The following PDZRN3 variants were observed in gnomAD, a reference collection of about 807,000 sequenced individuals.
PDZRN3 encodes E3 ubiquitin-protein ligase PDZRN3.
In PDZRN3, 38 loss-of-function variants were observed where a neutral mutation model predicts 85.7. That is an observed-to-expected ratio of 0.44 (90% CI 0.34 to 0.58). The LOEUF is 0.58. Among genes scored for constraint, PDZRN3 ranks in the 20% least tolerant of loss-of-function variants. PDZRN3 has a pLI of 0.01. For synonymous variants in PDZRN3, 759 were observed against 638.0 expected (o/e 1.19, Z -2.86); for missense variants, 1,629 against 1,506.4 (o/e 1.08, Z -1.35).
intron 3 of PDZRN3, among the ~76,000 whole-genome samples, chr3:73,449,840 G>A (rs926922867): frequency 1.3e-5 from 2 of 152,078 alleles, no homozygotes; most frequent in Non-Finnish European, 2.9e-5. Context: ...TTCAGTCTGG[G>A]GTGTAAGAAA....
chr3:73,565,793 ACACACACACACACACAC>A lies in PDZRN3; in HGVS notation c.918+36544_918+36560del, dbSNP rs1701936409. Reference sequence around the variant, plus strand: ...TCTCTACTAAAAATACAAAACACACACACACACACACACACACACACACACACACACACACACACAGA... The same window carrying A: ...TCTCTACTAAAAATACAAAACACACAACACACACACACACACACACACAGA... On this transcript the variant is annotated intron_variant, in intron 3 of 9. Coordinates refer to ENST00000263666, the MANE Select transcript of PDZRN3 (RefSeq NM_015009.3). Among the ~76,000 whole-genome samples the A allele has an allele frequency of 1.1e-3, 157 of 145,168 alleles. 1 individual carries two copies. The highest frequency in any genetic ancestry group is 2.1e-3 in the Non-Finnish European group (140 of 67,448).
chr3:73,616,948 C>T (rs1702772065), intron 1 of PDZRN3, among the ~76,000 whole-genome samples: 1 of 152,198 alleles, frequency 6.6e-6, no homozygotes. Flanking sequence ...ATACTAACCA[C>T]ACGCAATACA....
intron 5 of PDZRN3, among the ~76,000 whole-genome samples, chr3:73,392,566 C>A (rs1353239039): frequency 1.3e-5 from 2 of 152,196 alleles, no homozygotes; most frequent in African/African-American, 4.8e-5. Context: ...ATGAGGCACA[C>A]AAGAGCTCTT....
chr3:73,573,124 CCTCT>C (rs1702067770), intron 3 of PDZRN3, among the ~76,000 whole-genome samples: 1 of 152,194 alleles, frequency 6.6e-6, no homozygotes, highest in Admixed American at 6.5e-5. Context: ...GTCCCAAGGG[CCTCT>C]CTGAGGTCCT....
chr3:73,595,452 T>C (rs189061345), intron 3 of PDZRN3, among the ~76,000 whole-genome samples: 4 of 152,282 alleles, frequency 2.6e-5, no homozygotes, highest in African/African-American at 9.6e-5. Flanking sequence ...TAACCAAAAA[T>C]GGATTATGCA....
intron 9 of PDZRN3, among the ~76,000 whole-genome samples, chr3:73,385,287 A>T (rs1237463431): frequency 6.6e-6 from 1 of 152,164 alleles, no homozygotes; most frequent in Non-Finnish European, 1.5e-5. Flanking sequence ...GCTCATTAAG[A>T]CTCTGACAAT....
At chr3:73,581,991 C>T (rs1277764108) in intron 3 of PDZRN3, among the ~76,000 whole-genome samples, 1 of 151,042 alleles carries the variant, frequency 6.6e-6, no homozygotes, top group Admixed American at 6.6e-5. Flanking sequence ...TACCAGCTAC[C>T]CAGGAGGCTG....
intron 6 of PDZRN3, among the ~76,000 whole-genome samples, chr3:73,390,687 TAAGTG>T (rs1363263023): frequency 6.7e-6 from 1 of 150,216 alleles, no homozygotes; most frequent in Non-Finnish European, 1.5e-5. Context: ...TTAAAAAGTG[TAAGTG>T]ATTCCATCCA....
At chr3:73,396,227 A>C (rs547511656) in intron 5 of PDZRN3, among the ~76,000 whole-genome samples, 266 of 152,280 alleles carry the variant, frequency 1.7e-3, no homozygotes, top group Middle Eastern at 6.8e-3. Context: ...AACAAACAAA[A>C]AAAAAAGTAA....
At chr3:73,474,369 T>G (rs1262891769) in intron 3 of PDZRN3, 2 of 716,930 alleles carry the variant, frequency 2.8e-6, no homozygotes, top group Non-Finnish European at 3.9e-6. Context: ...TAAAGCAAAC[T>G]GCTATCGGTG....
At chr3:73,593,284 A>G (rs968782241) in intron 3 of PDZRN3, among the ~76,000 whole-genome samples, 32 of 152,220 alleles carry the variant, frequency 2.1e-4, no homozygotes, top group Non-Finnish European at 4.1e-4. Context: ...TCTTCACTCA[A>G]GAATTTAATG....
chr3:73,575,587 A>T (rs1191781695), intron 3 of PDZRN3, among the ~76,000 whole-genome samples: 1 of 152,234 alleles, frequency 6.6e-6, no homozygotes, highest in Non-Finnish European at 1.5e-5. Context: ...GGTGTGCTTA[A>T]AAAATGCTTA....
At chr3:73,519,404 G>A (rs916511024) in intron 3 of PDZRN3, among the ~76,000 whole-genome samples, 5 of 152,182 alleles carry the variant, frequency 3.3e-5, no homozygotes, top group African/African-American at 9.7e-5. Context: ...GTCTAAAAGC[G>A]ATATATACCA....
intron 3 of PDZRN3, among the ~76,000 whole-genome samples, chr3:73,578,445 C>T (rs2106862920): frequency 6.6e-6 from 1 of 152,280 alleles, no homozygotes; most frequent in South Asian, 2.1e-4. Flanking sequence ...GCTGGGATTA[C>T]AGGTGTGAGC....
chr3:73,420,105 G>GTCCTACATTACTTTA, intron 3 of PDZRN3, among the ~76,000 whole-genome samples: 1 of 152,336 alleles, frequency 6.6e-6, no homozygotes, highest in South Asian at 2.1e-4. Context: ...GTAGGACACA[G>GTCCTACATTACTTTA]ATGCACATTA....
chr3:73,494,415 A>C (rs1703829997), intron 3 of PDZRN3, among the ~76,000 whole-genome samples: 1 of 152,254 alleles, frequency 6.6e-6, no homozygotes, highest in African/African-American at 2.4e-5. Flanking sequence ...AAGGAAGGAC[A>C]GTCCTAACAT....
chr3:73,576,816 A>G (rs1344012692), intron 3 of PDZRN3, among the ~76,000 whole-genome samples: 3 of 152,234 alleles, frequency 2.0e-5, no homozygotes, highest in Non-Finnish European at 4.4e-5. Context: ...TTAGAGTTAT[A>G]GACAAAGAAG....
intron 3 of PDZRN3, among the ~76,000 whole-genome samples, chr3:73,572,821 G>C (rs1448347429): frequency 2.0e-5 from 3 of 152,132 alleles, no homozygotes; most frequent in African/African-American, 7.2e-5. Context: ...TCCTGCATTT[G>C]GGAAAACTAT....
chr3:73,480,247 G>A (rs994106634), intron 3 of PDZRN3, among the ~76,000 whole-genome samples: 3 of 152,190 alleles, frequency 2.0e-5, no homozygotes, highest in Admixed American at 6.5e-5. Flanking sequence ...TGGCCAACAG[G>A]CTATAATGAC....
Sources: allele counts gnomAD v4.1 joint callset (sites outside exome capture counted in the v4.1 genomes callset), GRCh38; gene constraint gnomAD v4.1.1; transcripts MANE v1.5; gene names NCBI Gene and HGNC (gene_info 2026-07-23, HGNC 2026-07-21).